The following SOX5 variants were observed in gnomAD, a reference collection of about 807,000 sequenced individuals.
SOX5 encodes the protein SRY-box transcription factor 5, also known as transcription factor SOX-5.
A neutral mutation model predicts 92.0 loss-of-function variants in SOX5; 9 were observed. The observed-to-expected ratio is 0.10, with a 90% CI of 0.06 to 0.17. SOX5 has a LOEUF of 0.17. SOX5 is among the 10% of genes least tolerant of loss of function. The pLI is 1.00. For missense variants in SOX5, 642 were observed against 944.5 expected (o/e 0.68, Z 4.20); for synonymous variants, 344 against 336.3 (o/e 1.02, Z -0.25).
intron 2 of SOX5, among the ~76,000 whole-genome samples, chr12:24,299,115 A>G (rs1370814713): frequency 6.6e-6 from 1 of 152,044 alleles, no homozygotes; most frequent in Admixed American, 6.6e-5. Flanking sequence ...GAATTCAGAG[A>G]TTTTATTACC....
Position 24,458,158 on chromosome 12 carries a change from GT to G in SOX5, c.-250-89520del, listed in dbSNP as rs546799398. Among the ~76,000 whole-genome samples, 157 of 152,052 alleles carry G rather than the reference GT, an allele frequency of 1.0e-3. 1 individual carries two copies. The highest frequency in any genetic ancestry group is 3.8e-3 in the African/African-American group (156 of 41,490). The stretch of plus-strand genomic sequence containing the variant: ...AGCCTGGGATGGCGCCTCAGTGTCT[GT>G]TTTTTTAAATTTGTTAAATCTGGCA... On this transcript the variant is annotated intron_variant, in intron 1 of 4. Transcript: ENST00000446891.
intron 3 of SOX5, among the ~76,000 whole-genome samples, chr12:24,217,130 C>T (rs993619028): frequency 4.6e-5 from 7 of 152,170 alleles, no homozygotes; most frequent in African/African-American, 1.4e-4. Context: ...AAGTATAGCA[C>T]TTTTTGTGAG....
At chr12:23,735,502 C>T (rs2093556351) in intron 5 of SOX5, among the ~76,000 whole-genome samples, 1 of 152,144 alleles carries the variant, frequency 6.6e-6, no homozygotes, top group South Asian at 2.1e-4. Context: ...TTCTTAGTCA[C>T]CTTTAATGGC....
At chr12:24,501,070 A>T (rs1948148175) in intron 1 of SOX5, among the ~76,000 whole-genome samples, 1 of 152,220 alleles carries the variant, frequency 6.6e-6, no homozygotes, top group African/African-American at 2.4e-5. Flanking sequence ...TGATTGATAA[A>T]GTTTCATTAC....
At chr12:23,628,762 G>A (rs1348302555) in intron 8 of SOX5, among the ~76,000 whole-genome samples, 1 of 151,412 alleles carries the variant, frequency 6.6e-6, no homozygotes, top group Non-Finnish European at 1.5e-5. Context: ...AACTTCCACA[G>A]GAAACAGCAA....
In SOX5 at chr12:24,429,650, A is replaced by ACACAC. The variant is rs998939759; in HGVS notation, c.-250-61012_-250-61011insGTGTG. Among the ~76,000 whole-genome samples the ACACAC allele has an allele frequency of 3.6e-4, 55 of 151,528 alleles. 1 individual carries two copies. The East Asian group carries it at 4.9e-3, about 13-fold the overall frequency. ...TACACACACACACACACACACACAC[A>ACACAC]CCCCATGAGCACAAAGCCCTCCAAC... On this transcript the variant is annotated intron_variant, in intron 1 of 4. Transcript: ENST00000446891.
At chr12:24,060,254 C>A (rs1195590951) in intron 4 of SOX5, among the ~76,000 whole-genome samples, 1 of 152,072 alleles carries the variant, frequency 6.6e-6, no homozygotes, top group Non-Finnish European at 1.5e-5. Context: ...AATTATTATC[C>A]CATTTTATGG....
intron 4 of SOX5, among the ~76,000 whole-genome samples, chr12:24,111,127 A>G (rs925068123): frequency 2.6e-5 from 4 of 152,080 alleles, no homozygotes; most frequent in African/African-American, 7.2e-5. Context: ...AACTGGGAAA[A>G]GCAAAAATGT....
intron 3 of SOX5, among the ~76,000 whole-genome samples, chr12:24,231,473 T>C (rs940706927): frequency 6.6e-6 from 1 of 152,190 alleles, no homozygotes; most frequent in East Asian, 1.9e-4. Context: ...GAAAATGCTA[T>C]ACAATCAAAA....
At chr12:23,584,786 A>C (rs1950501071) in intron 9 of SOX5, among the ~76,000 whole-genome samples, 1 of 152,004 alleles carries the variant, frequency 6.6e-6, no homozygotes, top group Non-Finnish European at 1.5e-5. Context: ...TTAGAATGAG[A>C]CACTAAGCAA....
At chr12:23,932,543 C>T (rs1380055346) in intron 1 of SOX5, among the ~76,000 whole-genome samples, 1 of 151,294 alleles carries the variant, frequency 6.6e-6, no homozygotes, top group African/African-American at 2.4e-5. Context: ...GTATGTTAGC[C>T]TTAACTTACT....
At chr12:23,852,213 T>C (rs1390922817) in intron 2 of SOX5, among the ~76,000 whole-genome samples, 1 of 152,164 alleles carries the variant, frequency 6.6e-6, no homozygotes, top group African/African-American at 2.4e-5. Context: ...AAAGCTCTAA[T>C]TTCCTGAACT....
At chr12:23,598,931 C>T (rs1952956399) in intron 9 of SOX5, among the ~76,000 whole-genome samples, 1 of 152,102 alleles carries the variant, frequency 6.6e-6, no homozygotes, top group East Asian at 1.9e-4. Context: ...TTTTGATTAT[C>T]CTCTGATTTC....
intron 9 of SOX5, among the ~76,000 whole-genome samples, chr12:23,586,580 G>A (rs1950778746): frequency 6.6e-6 from 1 of 151,112 alleles, no homozygotes; most frequent in Admixed American, 6.6e-5. Context: ...TGGATATTAG[G>A]TGTTTAAATT....
intron 4 of SOX5, among the ~76,000 whole-genome samples, chr12:24,098,352 T>C (rs1945679620): frequency 6.6e-6 from 1 of 152,156 alleles, no homozygotes; most frequent in Non-Finnish European, 1.5e-5. Flanking sequence ...CTTATCATAA[T>C]TTTGCAGAGG....
At chr12:24,166,205 A>T (rs1394300357) in intron 4 of SOX5, among the ~76,000 whole-genome samples, 1 of 152,164 alleles carries the variant, frequency 6.6e-6, no homozygotes, top group East Asian at 1.9e-4. Flanking sequence ...AAGAGATGGA[A>T]AATACAAGAA....
At chr12:23,552,555 A>G (rs1591996149) in intron 11 of SOX5, among the ~76,000 whole-genome samples, 1 of 152,104 alleles carries the variant, frequency 6.6e-6, no homozygotes, top group East Asian at 1.9e-4. Context: ...ATATCTTAAG[A>G]ACCTCCATGT....
intron 1 of SOX5, among the ~76,000 whole-genome samples, chr12:24,561,901 C>T (rs1954392403): frequency 6.6e-6 from 1 of 152,218 alleles, no homozygotes; most frequent in East Asian, 1.9e-4. Flanking sequence ...GGCCGCGATG[C>T]CCAGCACAGC....
chr12:23,616,525 G>C (rs551803127), intron 8 of SOX5, among the ~76,000 whole-genome samples: 2 of 152,174 alleles, frequency 1.3e-5, no homozygotes, highest in African/African-American at 4.8e-5. Context: ...TAGAGTCACC[G>C]GGAGGAGCAA....
Sources: allele counts gnomAD v4.1 joint callset (sites outside exome capture counted in the v4.1 genomes callset), GRCh38; gene constraint gnomAD v4.1.1; transcripts MANE v1.5; gene names NCBI Gene and HGNC (gene_info 2026-07-23, HGNC 2026-07-21).